Variants in JAM2 observed in about 807,000 individuals in gnomAD.
JAM2 encodes junctional adhesion molecule 2.
JAM2 carries 17 observed loss-of-function variants against 42.0 expected under a neutral mutation model. The ratio of observed to expected loss-of-function variants is 0.40; its 90% CI spans 0.28 to 0.61. JAM2 has a LOEUF of 0.61. Ranked by LOEUF, JAM2 falls within the 20% of genes least tolerant of loss-of-function variation. JAM2 has a pLI of 0.37. For synonymous variants in JAM2, 118 were observed against 128.6 expected (o/e 0.92, Z 0.56); for missense variants, 319 against 358.3 (o/e 0.89, Z 0.89).
At chr21:25,712,055 G>C (rs1007575128) in intron 8 of JAM2, 3 of 295,246 alleles carry the variant, frequency 1.0e-5, no homozygotes, top group African/African-American at 6.6e-5. Context: ...TTAAAAGTTA[G>C]TAAGTCTCTG....
At chr21:25,662,430 G>A (rs1466587679) in intron 1 of JAM2, among the ~76,000 whole-genome samples, 4 of 134 alleles carry the variant, frequency 0.03, no homozygotes, top group Non-Finnish European at 0.048. Flanking sequence ...GATTACAGGC[G>A]TGAGCACTGT....
At chr21:25,693,713 T>C in intron 3 of JAM2, 43 bp from the exon 4 acceptor site, 1 of 1,529,898 alleles carries the variant, frequency 6.5e-7, no homozygotes. Flanking sequence ...CACAGAAAGC[T>C]ACTTGGATTA....
intron 1 of JAM2, among the ~76,000 whole-genome samples, chr21:25,676,175 C>T (rs1475314896): frequency 1.3e-5 from 2 of 151,028 alleles, no homozygotes; most frequent in African/African-American, 4.9e-5. Flanking sequence ...GTAGTCCCAG[C>T]TACTTGGGAG....
rs2034181066 is a variant in JAM2 at position 25,702,236 on chromosome 21, TATCGC to T, written c.666_670del (p.Tyr222Ter). The T allele has an allele frequency of 6.3e-7, 1 of 1,598,922 alleles. No homozygotes were observed. Among genetic ancestry groups the T allele is most frequent in the African/African-American group, 1.3e-5 (1 of 74,796 alleles). ...CTGTGAAGCCCGCAATTCTGTTGGATATCGCAGGTGTCCTGGGAAACGAATGCAAG... is the reference window on the plus strand; with the variant it reads ...CTGTGAAGCCCGCAATTCTGTTGGATAGGTGTCCTGGGAAACGAATGCAAG... On this transcript the variant is annotated frameshift_variant, in exon 6 of 10. Coordinates refer to ENST00000480456, the MANE Select transcript of JAM2 (RefSeq NM_021219.4). LOFTEE classifies it high-confidence loss of function.
intron 1 of JAM2, among the ~76,000 whole-genome samples, chr21:25,676,860 G>A (rs2123357540): frequency 6.6e-6 from 1 of 152,200 alleles, no homozygotes; most frequent in South Asian, 2.1e-4. Flanking sequence ...GAGTTATTAG[G>A]TACAAGTTTT....
intron 3 of JAM2, among the ~76,000 whole-genome samples, chr21:25,691,828 G>A (rs142208136): frequency 0.022 from 3,341 of 152,042 alleles, 130 homozygotes; most frequent in African/African-American, 0.076. Flanking sequence ...CCAGGAGTTC[G>A]AGACCAGCCT....
intron 8 of JAM2, chr21:25,711,886 C>A: frequency 4.8e-6 from 1 of 210,410 alleles, no homozygotes; most frequent in Non-Finnish European, 9.6e-6. Context: ...AGACATATGC[C>A]CTCACATTCA....
At chr21:25,690,490 G>A (rs942034489) in intron 3 of JAM2, among the ~76,000 whole-genome samples, 1 of 152,036 alleles carries the variant, frequency 6.6e-6, no homozygotes, top group Non-Finnish European at 1.5e-5. Context: ...AGTATGCTCA[G>A]CTAATTTAAT....
intron 1 of JAM2, among the ~76,000 whole-genome samples, chr21:25,652,362 A>G (rs1254142544): frequency 2.0e-5 from 3 of 152,204 alleles, no homozygotes; most frequent in African/African-American, 7.2e-5. Flanking sequence ...ACTGCACTCT[A>G]GCGTGGGTGA....
chr21:25,660,111 G>GTTT (rs1234664625), intron 1 of JAM2, among the ~76,000 whole-genome samples: 28 of 152,142 alleles, frequency 1.8e-4, no homozygotes, highest in Middle Eastern at 6.8e-3. Context: ...AGTAGAGACG[G>GTTT]GGTTTCACTA....
chr21:25,691,804 C>T (rs543381911), intron 3 of JAM2, among the ~76,000 whole-genome samples: 1 of 152,106 alleles, frequency 6.6e-6, no homozygotes, highest in African/African-American at 2.4e-5. Context: ...CCAAGGCATG[C>T]GGATCACTTG....
chr21:25,663,638 C>A (rs1450395158), intron 1 of JAM2, among the ~76,000 whole-genome samples: 1 of 152,086 alleles, frequency 6.6e-6, no homozygotes, highest in Non-Finnish European at 1.5e-5. Context: ...GAGAACTGAG[C>A]TAGCACTCTT....
intron 1 of JAM2, among the ~76,000 whole-genome samples, chr21:25,663,196 C>T (rs139683609): frequency 3.9e-5 from 6 of 152,078 alleles, no homozygotes; most frequent in Admixed American, 3.9e-4. Flanking sequence ...TTGTAAGGGG[C>T]AGTAGTCAAA....
In JAM2 at chr21:25,709,460, T is replaced by C; in HGVS notation, c.821+11T>C. The C allele has an allele frequency of 6.9e-7, 1 of 1,450,306 alleles. No individual in the cohort carries two copies. The highest frequency in any genetic ancestry group is 1.3e-5 in the South Asian group (1 of 79,026). The allele number at this position is 1,450,306 out of a possible 1,614,324, so 89.8% of individuals were successfully genotyped here. A position where few individuals can be genotyped will look rare whatever the true frequency, so the allele number is the denominator to read the frequency against. ...AGAAACCTCCTTCCAGTAAGTATAC[T>C]TTCCTACAATGCATGTCTTTCTCCT... On this transcript the variant is annotated intron_variant, in intron 8 of 9. Coordinates refer to ENST00000480456, the MANE Select transcript of JAM2 (RefSeq NM_021219.4).
chr21:25,695,159 G>C (rs1458567569), intron 4 of JAM2, among the ~76,000 whole-genome samples: 1 of 152,084 alleles, frequency 6.6e-6, no homozygotes, highest in East Asian at 1.9e-4. Context: ...CTGGGTACTT[G>C]AGATTAGGGA....
rs2034491973 is a variant in JAM2 at position 25,717,016 on chromosome 21, G to GT, written c.*2345dup. Reference sequence around the variant, plus strand: ...TAGTGCCTTAGCTTCACTAATAGTTGTAAAACTTCTTTTTAAGACATCAAA... The same window carrying GT: ...TAGTGCCTTAGCTTCACTAATAGTTGTTAAAACTTCTTTTTAAGACATCAAA... On this transcript the variant is annotated 3_prime_UTR_variant, in exon 10 of 10. Coordinates refer to ENST00000480456, the MANE Select transcript of JAM2 (RefSeq NM_021219.4). 1 of 152,224 alleles carries GT rather than the reference G, an allele frequency of 6.6e-6. No individual in the cohort carries two copies. Among genetic ancestry groups the GT allele is most frequent in the Non-Finnish European group, 1.5e-5 (1 of 68,048 alleles). The allele number at this position is 152,224 out of a possible 1,614,324, so 9.4% of individuals were successfully genotyped here. A position where few individuals can be genotyped will look rare whatever the true frequency, so the allele number is the denominator to read the frequency against.
intron 1 of JAM2, among the ~76,000 whole-genome samples, chr21:25,664,246 T>TC (rs1260584260): frequency 6.6e-6 from 1 of 152,104 alleles, no homozygotes; most frequent in Non-Finnish European, 1.5e-5. Context: ...CTTATTTATT[T>TC]TTTTTTTGAG....
At chr21:25,675,549 G>GGGGAAGGAAGGAAGGAAGGA (rs965866560) in intron 1 of JAM2, among the ~76,000 whole-genome samples, 1 of 148,424 alleles carries the variant, frequency 6.7e-6, no homozygotes, top group Admixed American at 6.8e-5. Flanking sequence ...AGAGGAAGGA[G>GGGGAAGGAAGGAAGGAAGGA]GGGAAGGAAG....
At chr21:25,674,191 C>G (rs574514421) in intron 1 of JAM2, among the ~76,000 whole-genome samples, 6 of 152,028 alleles carry the variant, frequency 3.9e-5, no homozygotes, top group African/African-American at 1.4e-4. Flanking sequence ...GTCAGGAGTT[C>G]GAGACCAGCC....
Sources: gnomAD v4.1 joint callset for allele counts (sites outside exome capture counted in the v4.1 genomes callset) on GRCh38, gnomAD v4.1.1 for gene constraint, MANE v1.5 for transcripts, NCBI Gene and HGNC (gene_info 2026-07-23, HGNC 2026-07-21) for gene names.